LRGUK: variants seen among roughly 807,000 people sequenced by gnomAD.
LRGUK encodes the protein leucine-rich repeat and guanylate kinase domain-containing protein.
LRGUK carries 65 observed loss-of-function variants against 76.0 expected under a neutral mutation model. The ratio of observed to expected loss-of-function variants is 0.85; its 90% CI spans 0.70 to 1.05. The LOEUF (loss-of-function observed/expected upper bound fraction) is 1.05, where lower values mean the gene tolerates loss of function less well. LRGUK is among the 50% of genes least tolerant of loss of function. The pLI is 0.00. For missense variants in LRGUK, 758 were observed against 732.8 expected, an observed-to-expected ratio of 1.03 and a Z score of -0.40; for synonymous variants, 268 against 265.6, an observed-to-expected ratio of 1.01 and a Z score of -0.09.
At chr7:134,182,759 T>C (rs1382315608) in intron 10 of LRGUK, among the ~76,000 whole-genome samples, 1 of 152,144 alleles carries the variant, frequency 6.6e-6, no homozygotes, top group African/African-American at 2.4e-5. Flanking sequence ...ATTATTATGA[T>C]GATGATGATG....
Position 134,249,089 on chromosome 7 carries a change from GTTT to G in LRGUK, c.2198+15_2198+17del. The stretch of plus-strand genomic sequence containing the variant: ...ATCCTGAAAAGAGGTGAGTTGAGGT[GTTT>G]TGTTGGATGGAATTGGCTATTTTCT... On this transcript the variant is annotated intron_variant, in intron 18 of 19. Coordinates refer to the LRGUK transcript ENST00000285928. 6.4e-7 allele frequency: 1 copy of G among 1,553,934 alleles called. No individual in the cohort carries two copies. Among genetic ancestry groups the G allele is most frequent in the Non-Finnish European group, 8.7e-7 (1 of 1,148,626 alleles).
chr7:134,163,367 A>T, intron 6 of LRGUK, 30 bp from the exon 7 acceptor site: 1 of 1,585,018 alleles, frequency 6.3e-7, no homozygotes. Context: ...GAGGTCTTTG[A>T]GACATTAAAT....
chr7:134,194,222 C>T (rs952496484), intron 12 of LRGUK, among the ~76,000 whole-genome samples: 2 of 152,124 alleles, frequency 1.3e-5, no homozygotes, highest in Admixed American at 6.6e-5. Context: ...AATGGGGTCT[C>T]TTTTATACCT....
At chr7:134,215,902 G>A (rs1033779578) in intron 15 of LRGUK, among the ~76,000 whole-genome samples, 3 of 152,154 alleles carry the variant, frequency 2.0e-5, no homozygotes, top group Admixed American at 6.5e-5. Flanking sequence ...GGTGTTAGAA[G>A]ATCAAACCTC....
downstream of LRGUK, among the ~76,000 whole-genome samples, chr7:134,213,925 G>A (rs73441357): frequency 0.01 from 1,577 of 152,290 alleles, 34 homozygotes; most frequent in African/African-American, 0.037. Context: ...GCTCAGCAAG[G>A]TGATCTTTAT....
chr7:134,249,093 T>A lies in LRGUK; in HGVS notation c.2198+17T>A. The A allele has an allele frequency of 6.4e-7, 1 of 1,553,124 alleles. No individual in the cohort carries two copies. Among genetic ancestry groups the A allele is most frequent in the Non-Finnish European group, 8.7e-7 (1 of 1,148,078 alleles). ...TGAAAAGAGGTGAGTTGAGGTGTTT[T>A]GTTGGATGGAATTGGCTATTTTCTG... On this transcript the variant is annotated intron_variant, in intron 18 of 19. Coordinates refer to the LRGUK transcript ENST00000285928.
chr7:134,178,224 G>T (rs1168619304), intron 9 of LRGUK, among the ~76,000 whole-genome samples: 1 of 151,978 alleles, frequency 6.6e-6, no homozygotes, highest in Non-Finnish European at 1.5e-5. Flanking sequence ...TTTTGTGTGT[G>T]TTTTTGTTTT....
At chr7:134,232,473 T>C (rs916754959) in intron 16 of LRGUK, among the ~76,000 whole-genome samples, 1 of 152,066 alleles carries the variant, frequency 6.6e-6, no homozygotes, top group East Asian at 1.9e-4. Flanking sequence ...AAAGATGGGG[T>C]TTCACCATGT....
At chr7:134,165,808 A>G (rs1317440745) in intron 7 of LRGUK, among the ~76,000 whole-genome samples, 1 of 152,232 alleles carries the variant, frequency 6.6e-6, no homozygotes, top group Non-Finnish European at 1.5e-5. Context: ...GAAATACCTC[A>G]TAAATAGTAT....
downstream of LRGUK, among the ~76,000 whole-genome samples, chr7:134,269,436 T>C (rs1436852221): frequency 1.3e-5 from 2 of 149,888 alleles, no homozygotes; most frequent in East Asian, 3.9e-4. Context: ...TGCTACAGCC[T>C]TGACCTCCTA....
Position 134,146,353 on chromosome 7 carries a change from A to G in LRGUK, c.589-1885A>G, listed in dbSNP as rs986056578. Reference sequence around the variant, plus strand: ...TGCCCTGACTGAGGTGTAGTTATACAGATGTCATACTATGGCACCAGAATG... The same window carrying G: ...TGCCCTGACTGAGGTGTAGTTATACGGATGTCATACTATGGCACCAGAATG... On this transcript the variant is annotated intron_variant, in intron 4 of 15. Coordinates refer to ENST00000645682, the Ensembl canonical transcript of LRGUK. 1.1e-4 allele frequency among the ~76,000 whole-genome samples: 17 copies of G among 152,344 alleles called. No homozygotes were observed. The East Asian group carries it at 1.7e-3, about 16-fold the overall frequency.
intron 5 of LRGUK, among the ~76,000 whole-genome samples, chr7:134,149,204 G>A (rs527437470): frequency 2.6e-5 from 4 of 151,910 alleles, no homozygotes; most frequent in African/African-American, 4.8e-5. Flanking sequence ...TAAAGACAGC[G>A]AGCTCCAACT....
rs527783766 is a variant in LRGUK, at chr7:134,176,570, C to T, written c.1021-407C>T. Among the ~76,000 whole-genome samples, 3 of 152,078 alleles carry T rather than the reference C, an allele frequency of 2.0e-5. No individual in the cohort carries two copies. In the South Asian group the frequency reaches 6.3e-4, roughly 32 times the overall value. ...AATTTTTTTGTATTTTTAGTAGAGA[C>T]AAGGTTTCACCATGTTAGCCAGGAT... is the stretch of plus-strand genomic sequence containing the variant. On this transcript the variant is annotated intron_variant, in intron 8 of 15. Coordinates refer to ENST00000645682, the Ensembl canonical transcript of LRGUK.
chr7:134,241,108 G>C lies in LRGUK; in HGVS notation c.1984-6448G>C, dbSNP rs571566312. Among the ~76,000 whole-genome samples, 92 of 152,298 alleles carry C rather than the reference G, an allele frequency of 6.0e-4. 1 individual carries two copies. Among genetic ancestry groups the C allele is most frequent in the African/African-American group, 2.2e-3 (90 of 41,558 alleles). On this transcript the variant is annotated intron_variant, in intron 16 of 19. Transcript: ENST00000285928. The stretch of plus-strand genomic sequence containing the variant: ...AGCCACTGCAAAAACATGCCAAATT[G>C]TAAAGACCATCGATGCTAGGAAGAA...
chr7:134,221,956 C>CT lies in LRGUK; in HGVS notation c.1983+39dup, dbSNP rs759700303. 219 of 1,515,372 alleles carry CT rather than the reference C, an allele frequency of 1.4e-4. No individual in the cohort carries two copies. The Admixed American group carries it at 1.6e-3, about 11-fold the overall frequency. The allele number at this position is 1,515,372 out of a possible 1,614,324, so 93.9% of individuals were successfully genotyped here. A position where few individuals can be genotyped will look rare whatever the true frequency, so the allele number is the denominator to read the frequency against. ...TAGAAGGGGTGAAGCCACAACTGAG[C>CT]TCTATACAATGTCAGACAAAGAGGG... On this transcript the variant is annotated intron_variant, in intron 16 of 19. Transcript: ENST00000285928.
chr7:134,162,804 G>T (rs1798801228), intron 6 of LRGUK, among the ~76,000 whole-genome samples: 1 of 125,230 alleles, frequency 8.0e-6, no homozygotes, highest in African/African-American at 3.2e-5. Flanking sequence ...TCCAGCCTGG[G>T]CTACAAAGCC....
intron 11 of LRGUK, among the ~76,000 whole-genome samples, chr7:134,189,542 G>C (rs73441307): frequency 0.031 from 4,764 of 152,276 alleles, 206 homozygotes; most frequent in African/African-American, 0.1. Context: ...GTGGAGCCAT[G>C]TCTTTATTTA....
At chr7:134,228,835 T>C (rs1254927351) in intron 16 of LRGUK, among the ~76,000 whole-genome samples, 1 of 152,108 alleles carries the variant, frequency 6.6e-6, no homozygotes, top group African/African-American at 2.4e-5. Context: ...TCTAGGATGA[T>C]ACTAAAAGAA....
intron 10 of LRGUK, among the ~76,000 whole-genome samples, chr7:134,181,237 T>G (rs1799731600): frequency 6.6e-6 from 1 of 152,174 alleles, no homozygotes; most frequent in Non-Finnish European, 1.5e-5. Context: ...GTTATAACAA[T>G]GTATGCCCTT....
Sources: gnomAD v4.1 joint callset for allele counts (sites outside exome capture counted in the v4.1 genomes callset) on GRCh38, gnomAD v4.1.1 for gene constraint, MANE v1.5 for transcripts, NCBI Gene and HGNC (gene_info 2026-07-23, HGNC 2026-07-21) for gene names.